The following AGO2 variants were observed in gnomAD, a reference collection of about 807,000 sequenced individuals.
The protein encoded by AGO2 is protein argonaute-2.
AGO2 carries 5 observed loss-of-function variants against 102.3 expected under a neutral mutation model. The observed-to-expected ratio is 0.05, with a 90% CI of 0.03 to 0.10. The LOEUF (loss-of-function observed/expected upper bound fraction) is 0.10. Among genes scored for constraint, AGO2 ranks in the 10% least tolerant of loss-of-function variants. The pLI, the probability that AGO2 is intolerant of heterozygous loss-of-function variation, is 1.00. For synonymous variants in AGO2, 449 were observed against 473.1 expected (o/e 0.95, Z 0.66); for missense variants, 541 against 1,183.7 (o/e 0.46, Z 7.97).
intron 2 of AGO2, among the ~76,000 whole-genome samples, chr8:140,573,260 C>T (rs2073413848): frequency 6.6e-6 from 1 of 152,040 alleles, no homozygotes; most frequent in Admixed American, 6.5e-5. Flanking sequence ...ATCTACGCCT[C>T]CTGGGTTCAA....
intron 12 of AGO2, among the ~76,000 whole-genome samples, chr8:140,548,534 T>C (rs201011423): frequency 6.6e-6 from 1 of 152,080 alleles, no homozygotes; most frequent in African/African-American, 2.4e-5. Flanking sequence ...TGGGCAGGTG[T>C]GGGGAAATGG....
In AGO2 at chr8:140,535,584, GC is replaced by G; in HGVS notation, c.2170-16del. The G allele has an allele frequency of 6.2e-7, 1 of 1,613,578 alleles. No individual in the cohort carries two copies. Among genetic ancestry groups the G allele is most frequent in the East Asian group, 2.2e-5 (1 of 44,868 alleles). ...CTTTTCCCAACCTTCGGCAACACAG[GC>G]ATCTCGTTAGACACGGCCAGGGACC... On this transcript the variant is annotated splice_polypyrimidine_tract_variant and intron_variant, in intron 16 of 18. Coordinates refer to ENST00000220592, the MANE Select transcript of AGO2 (RefSeq NM_012154.5).
chr8:140,583,159 G>C (rs1156517770), intron 2 of AGO2, among the ~76,000 whole-genome samples: 3 of 152,222 alleles, frequency 2.0e-5, no homozygotes, highest in Admixed American at 2.0e-4. Context: ...CAGAACTTCA[G>C]GCTCCCTTGG....
Position 140,533,867 on chromosome 8 carries a change from T to C in AGO2, c.2272-1252A>G, listed in dbSNP as rs557526977. 9.9e-5 allele frequency among the ~76,000 whole-genome samples: 15 copies of C among 152,028 alleles called. No individual in the cohort carries two copies. The South Asian group carries it at 3.1e-3, about 32-fold the overall frequency. On this transcript the variant is annotated intron_variant, in intron 17 of 18. Transcript: ENST00000220592. ...CAGTAACATTGTAGAAGTGAGAGTG[T>C]GAACGTGAGTACCATTTTACACACC...
intron 1 of AGO2, among the ~76,000 whole-genome samples, chr8:140,597,337 C>T (rs770173673): frequency 1.3e-5 from 2 of 152,256 alleles, no homozygotes; most frequent in African/African-American, 4.8e-5. Flanking sequence ...CAGCGCAGCA[C>T]GGATGCAGGG....
chr8:140,568,103 C>CA (rs553804959), intron 3 of AGO2, among the ~76,000 whole-genome samples: 2,061 of 110,558 alleles, frequency 0.019, 21 homozygotes, highest in South Asian at 0.034. Context: ...ACTAAAAATA[C>CA]AAAAAAAAAA....
intron 2 of AGO2, among the ~76,000 whole-genome samples, chr8:140,579,629 C>G (rs1249039865): frequency 6.6e-6 from 1 of 152,082 alleles, no homozygotes; most frequent in Non-Finnish European, 1.5e-5. Context: ...TCTAACCCAC[C>G]ACTTCCTACT....
At chr8:140,623,499 G>A (rs2074239704) in intron 1 of AGO2, among the ~76,000 whole-genome samples, 1 of 152,192 alleles carries the variant, frequency 6.6e-6, no homozygotes, top group African/African-American at 2.4e-5. Flanking sequence ...GAGGCAGTCA[G>A]CCTCCAGCAG....
chr8:140,633,112 G>A (rs968916095), intron 1 of AGO2, among the ~76,000 whole-genome samples: 2 of 151,928 alleles, frequency 1.3e-5, no homozygotes, highest in Non-Finnish European at 1.5e-5. Flanking sequence ...GGGGTTTCAT[G>A]ATGTTGGCCA....
At chr8:140,569,216 A>G (rs1454370705) in intron 3 of AGO2, among the ~76,000 whole-genome samples, 7 of 152,242 alleles carry the variant, frequency 4.6e-5, no homozygotes, top group Non-Finnish European at 1.0e-4. Flanking sequence ...GTCCTTCAAC[A>G]GTGAACTCTG....
At chr8:140,544,114 C>T (rs1215313302) in intron 14 of AGO2, 99 bp downstream of exon 14, 5 of 1,314,784 alleles carry the variant, frequency 3.8e-6, no homozygotes, top group Non-Finnish European at 5.1e-6. Context: ...AGACCCCATG[C>T]CTTTCAGGAA....
intron 1 of AGO2, among the ~76,000 whole-genome samples, chr8:140,625,365 C>T (rs1169537963): frequency 6.6e-6 from 1 of 152,124 alleles, no homozygotes; most frequent in Non-Finnish European, 1.5e-5. Context: ...CTTGGCCTCC[C>T]GAAGTGCTGG....
intron 1 of AGO2, among the ~76,000 whole-genome samples, chr8:140,611,302 T>C (rs1207926231): frequency 6.6e-6 from 1 of 151,680 alleles, no homozygotes; most frequent in East Asian, 1.9e-4. Flanking sequence ...AAGCATCAAG[T>C]TTATTCCACA....
intron 2 of AGO2, among the ~76,000 whole-genome samples, chr8:140,583,636 G>A (rs1351828619): frequency 1.3e-5 from 2 of 152,214 alleles, no homozygotes; most frequent in Non-Finnish European, 2.9e-5. Flanking sequence ...CACTCTGAGA[G>A]GCTGAAGCAG....
At chr8:140,611,213 G>A (rs1408306655) in intron 1 of AGO2, among the ~76,000 whole-genome samples, 5 of 152,212 alleles carry the variant, frequency 3.3e-5, no homozygotes, top group Admixed American at 3.3e-4. Context: ...ACCCTCAGAC[G>A]CTGGACTCAC....
intron 1 of AGO2, among the ~76,000 whole-genome samples, chr8:140,621,817 CTG>C (rs1423657777): frequency 1.3e-5 from 2 of 152,166 alleles, no homozygotes; most frequent in African/African-American, 4.8e-5. Context: ...CGCGGAGAAA[CTG>C]AACCCTTCGT....
chr8:140,550,539 TCTCTC>T (rs1334357736), intron 11 of AGO2, among the ~76,000 whole-genome samples: 2 of 152,032 alleles, frequency 1.3e-5, no homozygotes, highest in East Asian at 3.9e-4. Flanking sequence ...AACCAACACT[TCTCTC>T]CTCTTAATCA....
chr8:140,562,659 G>A (rs1431985491), intron 3 of AGO2, 25 bp from the exon 4 acceptor site: 7 of 1,606,110 alleles, frequency 4.4e-6, no homozygotes, highest in African/African-American at 2.7e-5. Context: ...GGCACACAAG[G>A]TTACTCCCTC....
chr8:140,558,444 G>A (rs781010122), intron 7 of AGO2, 41 bp downstream of exon 7: 2 of 1,608,308 alleles, frequency 1.2e-6, no homozygotes, highest in Admixed American at 3.3e-5. Flanking sequence ...AGTGACAGTG[G>A]GGGCCCCAGC....
Sources: gnomAD v4.1 joint callset for allele counts (sites outside exome capture counted in the v4.1 genomes callset) on GRCh38, gnomAD v4.1.1 for gene constraint, MANE v1.5 for transcripts, NCBI Gene and HGNC (gene_info 2026-07-23, HGNC 2026-07-21) for gene names.